The following ITPK1 variants were observed in gnomAD, a reference collection of about 807,000 sequenced individuals.
The protein encoded by ITPK1 is inositol-tetrakisphosphate 1-kinase, also known as inositol 1,3,4-trisphosphate 5/6-kinase.
ITPK1 carries 21 observed loss-of-function variants against 45.3 expected under a neutral mutation model. The ratio of observed to expected loss-of-function variants is 0.46; its 90% CI spans 0.33 to 0.67. The LOEUF (loss-of-function observed/expected upper bound fraction) is 0.67. Ranked by LOEUF, ITPK1 falls within the 30% of genes least tolerant of loss-of-function variation. The pLI is 0.02. For missense variants in ITPK1, 474 were observed against 573.5 expected, an observed-to-expected ratio of 0.83 and a Z score of 1.77; for synonymous variants, 258 against 253.6, an observed-to-expected ratio of 1.02 and a Z score of -0.16.
intron 3 of ITPK1, among the ~76,000 whole-genome samples, chr14:93,064,100 G>A (rs1364868027): frequency 6.6e-6 from 1 of 152,118 alleles, no homozygotes; most frequent in Non-Finnish European, 1.5e-5. Context: ...TGGCTAACAT[G>A]GTGAAACCCT....
chr14:93,044,192 TG>T lies in ITPK1; in HGVS notation c.121-27392del, dbSNP rs1365723182. Among the ~76,000 whole-genome samples the T allele has an allele frequency of 3.3e-5, 5 of 152,126 alleles. No individual in the cohort carries two copies. In the East Asian group the frequency reaches 9.6e-4, roughly 29 times the overall value. Reference sequence around the variant, plus strand: ...AATGTAAACCATGAGGCTGGTGGTGTGGGACAACAGAGAATGGTGGGGCCTA... The same window carrying T: ...AATGTAAACCATGAGGCTGGTGGTGTGGACAACAGAGAATGGTGGGGCCTA... On this transcript the variant is annotated intron_variant, in intron 3 of 10. Coordinates refer to ENST00000267615, the MANE Select transcript of ITPK1 (RefSeq NM_014216.6).
At chr14:93,106,740 G>C (rs1360481225) in intron 2 of ITPK1, among the ~76,000 whole-genome samples, 2 of 152,094 alleles carry the variant, frequency 1.3e-5, no homozygotes, top group African/African-American at 4.8e-5. Flanking sequence ...TGCCGGCAAG[G>C]ACCAGCACCC....
chr14:93,039,549 C>T (rs1235770485), intron 3 of ITPK1, among the ~76,000 whole-genome samples: 1 of 152,188 alleles, frequency 6.6e-6, no homozygotes, highest in Non-Finnish European at 1.5e-5. Flanking sequence ...TCTTTACCAG[C>T]CCAAGGTGCT....
At position 93,115,258 on chromosome 14, in the gene ITPK1, C is replaced by T. The variant is rs746298495; in HGVS notation, c.-95G>A. The T allele has an allele frequency of 5.1e-6, 4 of 780,020 alleles. No homozygotes were observed. Among genetic ancestry groups the T allele is most frequent in the Non-Finnish European group, 8.3e-6 (4 of 479,294 alleles). The allele number at this position is 780,020 out of a possible 1,614,324, so 48.3% of individuals were successfully genotyped here. A position where few individuals can be genotyped will look rare whatever the true frequency, so the allele number is the denominator to read the frequency against. The stretch of plus-strand genomic sequence containing the variant: ...CGCCGCGAGCGAGTGGGCACCTCCT[C>T]CCGGCGGCGGGGACGCGGAACGGGG... On this transcript the variant is annotated 5_prime_UTR_variant, in exon 2 of 11. Coordinates refer to ENST00000267615, the MANE Select transcript of ITPK1 (RefSeq NM_014216.6).
intron 3 of ITPK1, among the ~76,000 whole-genome samples, chr14:93,053,999 G>C (rs1890126197): frequency 6.6e-6 from 1 of 152,136 alleles, no homozygotes; most frequent in Non-Finnish European, 1.5e-5. Flanking sequence ...ATGGGGTCGG[G>C]GAAGGAAGCG....
intron 3 of ITPK1, among the ~76,000 whole-genome samples, chr14:93,053,292 C>T (rs990891198): frequency 1.2e-4 from 19 of 152,162 alleles, no homozygotes; most frequent in African/African-American, 4.6e-4. Flanking sequence ...GGGCCAGCCA[C>T]CTGTTTGAAG....
intron 2 of ITPK1, among the ~76,000 whole-genome samples, chr14:93,108,834 G>A (rs1358767212): frequency 2.0e-5 from 3 of 152,174 alleles, no homozygotes; most frequent in Admixed American, 2.0e-4. Flanking sequence ...CCAAGATGGC[G>A]AAACCCAGTC....
chr14:93,090,189 C>T (rs1203184080), intron 2 of ITPK1, among the ~76,000 whole-genome samples: 2 of 152,080 alleles, frequency 1.3e-5, no homozygotes, highest in African/African-American at 4.8e-5. Flanking sequence ...CAAGTCTCGC[C>T]CCATCTGTTC....
At position 92,938,371 on chromosome 14, in the gene ITPK1, C is replaced by G; in HGVS notation, c.*3190G>C. ...GAGTGCCCAAGAGCCAAGAACTGGT[C>G]TTCCAGGCTAGAAGGACAAACGACA... On this transcript the variant is annotated 3_prime_UTR_variant, in exon 11 of 11. Transcript: ENST00000267615. 2.4e-6 allele frequency: 2 copies of G among 822,320 alleles called. No individual in the cohort carries two copies. The highest frequency in any genetic ancestry group is 4.2e-6 in the Non-Finnish European group (2 of 474,806). The allele number at this position is 822,320 out of a possible 1,614,324, so 50.9% of individuals were successfully genotyped here.
At chr14:92,953,737 G>A (rs1387928209) in intron 8 of ITPK1, among the ~76,000 whole-genome samples, 1 of 152,212 alleles carries the variant, frequency 6.6e-6, no homozygotes, top group Non-Finnish European at 1.5e-5. Context: ...TGGGTGCTGA[G>A]TGGGTGCCAG....
intron 10 of ITPK1, among the ~76,000 whole-genome samples, chr14:92,945,103 C>T (rs980838766): frequency 6.6e-6 from 1 of 152,238 alleles, no homozygotes; most frequent in African/African-American, 2.4e-5. Context: ...CTCTGTCCTC[C>T]GCCTCCTCCA....
chr14:93,005,945 G>A (rs560896692), intron 4 of ITPK1, among the ~76,000 whole-genome samples: 1 of 152,272 alleles, frequency 6.6e-6, no homozygotes, highest in Non-Finnish European at 1.5e-5. Flanking sequence ...ATACCGTACA[G>A]CCCCATTGTA....
chr14:93,047,443 A>T (rs1170282647), intron 3 of ITPK1, among the ~76,000 whole-genome samples: 4 of 152,256 alleles, frequency 2.6e-5, no homozygotes, highest in South Asian at 2.1e-4. Context: ...TGAGGTCATC[A>T]GGGTTGGCCC....
chr14:93,088,331 G>GTTTT (rs1428025538), intron 2 of ITPK1, among the ~76,000 whole-genome samples: 5,956 of 130,280 alleles, frequency 0.046, 517 homozygotes, highest in African/African-American at 0.18. Context: ...TTCTTTTTTG[G>GTTTT]TTTTGTTTTG....
chr14:93,085,703 C>A (rs1891623428), intron 2 of ITPK1, among the ~76,000 whole-genome samples: 1 of 152,208 alleles, frequency 6.6e-6, no homozygotes, highest in South Asian at 2.1e-4. Context: ...CAAGGGGCCA[C>A]CACTTCAGAT....
intron 5 of ITPK1, among the ~76,000 whole-genome samples, chr14:92,983,045 T>C (rs1294579563): frequency 6.6e-6 from 1 of 152,208 alleles, no homozygotes; most frequent in East Asian, 1.9e-4. Flanking sequence ...GCAGGTTTCC[T>C]CCCACCTGAC....
intron 2 of ITPK1, among the ~76,000 whole-genome samples, chr14:93,085,487 C>A (rs777455153): frequency 5.9e-5 from 9 of 152,184 alleles, no homozygotes; most frequent in Non-Finnish European, 1.2e-4. Flanking sequence ...TGCCTGGAAG[C>A]AGCTTTTCCC....
chr14:93,021,924 C>T (rs1191456476), intron 3 of ITPK1, among the ~76,000 whole-genome samples: 1 of 152,158 alleles, frequency 6.6e-6, no homozygotes, highest in African/African-American at 2.4e-5. Flanking sequence ...TCCAATTACT[C>T]GGATAATGGG....
chr14:93,059,308 TGGAGGGGGTGCGGGTCCTAAGCAGGGG>T (rs1422686375), intron 3 of ITPK1, among the ~76,000 whole-genome samples: 6 of 18,270 alleles, frequency 3.3e-4, no homozygotes, highest in East Asian at 1.7e-3. Flanking sequence ...GAAGCAGGGG[TGGAGGGGGTGCGGGTCCTAAGCAGGGG>T]GGAGGGGGTG....
Sources: allele counts gnomAD v4.1 joint callset (sites outside exome capture counted in the v4.1 genomes callset), GRCh38; gene constraint gnomAD v4.1.1; transcripts MANE v1.5; gene names NCBI Gene and HGNC (gene_info 2026-07-23, HGNC 2026-07-21).